Variants in LARP1B observed in about 807,000 individuals in gnomAD.
LARP1B encodes La ribonucleoprotein 1B.
In LARP1B, 76 loss-of-function variants were observed where a neutral mutation model predicts 114.2. The observed-to-expected ratio is 0.67, with a 90% CI of 0.55 to 0.81. The LOEUF is 0.81. Ranked by LOEUF, LARP1B falls within the 30% of genes least tolerant of loss-of-function variation. The pLI, the probability that LARP1B is intolerant of heterozygous loss-of-function variation, is 0.00. For synonymous variants in LARP1B, 345 were observed against 348.0 expected (o/e 0.99, Z 0.10); for missense variants, 1,014 against 1,075.8 (o/e 0.94, Z 0.80).
chr4:128,203,504 G>A (rs1561566779), intron 17 of LARP1B, among the ~76,000 whole-genome samples: 1 of 151,976 alleles, frequency 6.6e-6, no homozygotes, highest in Non-Finnish European at 1.5e-5. Flanking sequence ...CTCGTAAGTA[G>A]CTGGCATCAC....
At chr4:128,099,809 TA>T (rs1561206792) in intron 8 of LARP1B, among the ~76,000 whole-genome samples, 1 of 152,176 alleles carries the variant, frequency 6.6e-6, no homozygotes, top group African/African-American at 2.4e-5. Flanking sequence ...CCTATCTTTA[TA>T]AGAAAATGCC....
intron 7 of LARP1B, among the ~76,000 whole-genome samples, chr4:128,097,212 A>C (rs1778385224): frequency 6.6e-6 from 1 of 151,856 alleles, no homozygotes; most frequent in African/African-American, 2.4e-5. Context: ...TTAATGTCTT[A>C]TGGTCTGTCT....
chr4:128,178,422 A>G lies in LARP1B; in HGVS notation c.1685-9A>G. 6.3e-7 allele frequency: 1 copy of G among 1,588,316 alleles called. No homozygotes were observed. The highest frequency in any genetic ancestry group is 8.6e-7 in the Non-Finnish European group (1 of 1,165,018). On this transcript the variant is annotated splice_polypyrimidine_tract_variant and intron_variant, in intron 13 of 19. Transcript: ENST00000326639. ...ATCTAAATAATTTTAAGAGTTTTTT[A>G]TTTTGCAGATTTGACTGATGAATTA... is the stretch of plus-strand genomic sequence containing the variant.
chr4:128,088,199 T>TG (rs1774426941), intron 5 of LARP1B, among the ~76,000 whole-genome samples: 2 of 78,570 alleles, frequency 2.5e-5, no homozygotes, highest in Admixed American at 1.5e-4. Flanking sequence ...CTAAAATCAA[T>TG]AATAATGATG....
intron 8 of LARP1B, among the ~76,000 whole-genome samples, chr4:128,100,678 T>G (rs1780001632): frequency 6.6e-6 from 1 of 152,232 alleles, no homozygotes; most frequent in Non-Finnish European, 1.5e-5. Flanking sequence ...GTTCAGATTT[T>G]TTATTCATTA....
chr4:128,201,585 C>G (rs1362489923), intron 17 of LARP1B, among the ~76,000 whole-genome samples: 2 of 152,260 alleles, frequency 1.3e-5, no homozygotes, highest in African/African-American at 2.4e-5. Flanking sequence ...ACCAAGCTCT[C>G]TAGCCTCTGG....
chr4:128,117,517 A>G (rs1044820147), intron 10 of LARP1B, among the ~76,000 whole-genome samples: 1 of 151,306 alleles, frequency 6.6e-6, no homozygotes, highest in Non-Finnish European at 1.5e-5. Flanking sequence ...TCCAGAGTAG[A>G]TGGGATTAAA....
At chr4:128,123,724 C>T in intron 11 of LARP1B, 1 of 974,082 alleles carries the variant, frequency 1.0e-6, no homozygotes, top group African/African-American at 1.8e-5. Context: ...GGAACCCAAC[C>T]ATTGTGTATA....
rs1459947961 is a variant in LARP1B at position 128,125,743 on chromosome 4, T to TCAAAAAA, written c.1524+3569_1524+3575dup. Among the ~76,000 whole-genome samples the TCAAAAAA allele has an allele frequency of 6.6e-5, 10 of 152,024 alleles. No homozygotes were observed. In the South Asian group the frequency reaches 1.2e-3, roughly 19 times the overall value. ...CCTTGTGACAGAACAAGACTCTAAC[T>TCAAAAAA]CAAAAAACAAAAAACAAAAACAAAA... On this transcript the variant is annotated intron_variant, in intron 11 of 19. Transcript: ENST00000326639.
chr4:128,082,795 C>A (rs1165756324), intron 5 of LARP1B, among the ~76,000 whole-genome samples: 1 of 125,616 alleles, frequency 8.0e-6, no homozygotes, highest in South Asian at 2.9e-4. Context: ...GAAAATATAT[C>A]ATTTTCTTCT....
At chr4:128,168,092 A>C (rs1741914512) in intron 12 of LARP1B, among the ~76,000 whole-genome samples, 1 of 152,076 alleles carries the variant, frequency 6.6e-6, no homozygotes, top group Non-Finnish European at 1.5e-5. Flanking sequence ...TCAAGTTGCT[A>C]TGTGAATATA....
At chr4:128,198,921 A>G (rs1220259474) in intron 15 of LARP1B, among the ~76,000 whole-genome samples, 1 of 152,204 alleles carries the variant, frequency 6.6e-6, no homozygotes, top group Non-Finnish European at 1.5e-5. Context: ...GATTTAGGAG[A>G]TAGATCAAAA....
intron 5 of LARP1B, among the ~76,000 whole-genome samples, chr4:128,083,676 G>A (rs1314522802): frequency 8.1e-6 from 1 of 123,130 alleles, no homozygotes; most frequent in Non-Finnish European, 1.7e-5. Context: ...GGGGGGCTGA[G>A]CCCCCCCACC....
chr4:128,097,328 A>G (rs1364674323), intron 7 of LARP1B, among the ~76,000 whole-genome samples: 1 of 150,380 alleles, frequency 6.6e-6, no homozygotes, highest in East Asian at 2.0e-4. Flanking sequence ...TTTTTTTGAG[A>G]TGGAGTTTTG....
intron 15 of LARP1B, among the ~76,000 whole-genome samples, chr4:128,190,628 T>A (rs1478276214): frequency 6.6e-6 from 1 of 152,152 alleles, no homozygotes; most frequent in Non-Finnish European, 1.5e-5. Context: ...GGTTTCTCCT[T>A]CACACATACT....
chr4:128,073,523 C>CAA lies in LARP1B; in HGVS notation c.-77-926_-77-925dup, dbSNP rs200125031. Among the ~76,000 whole-genome samples, 145 of 110,228 alleles carry CAA rather than the reference C, an allele frequency of 1.3e-3. 3 individuals are homozygous for CAA. The East Asian group carries it at 0.038, about 29-fold the overall frequency. 72.3% of individuals were successfully genotyped at this position (110,228 alleles called of 152,430 possible). On this transcript the variant is annotated intron_variant, in intron 1 of 19. Transcript: ENST00000326639. ...TGAGAGAAATAAAGAGACTCTGTCT[C>CAA]AAAAAAAAAAAAGTTGTATTTGTAA...
At chr4:128,108,361 T>C (rs2149810270) in intron 9 of LARP1B, 1 of 990,790 alleles carries the variant, frequency 1.0e-6, no homozygotes, top group Non-Finnish European at 1.2e-6. Flanking sequence ...TAGTGTACAT[T>C]GTAAAACTCA....
chr4:128,162,208 C>A lies in LARP1B; in HGVS notation c.1539C>A (p.Asn513Lys). ...TTCTACTTCAGCAAGAAGTTGAGAA[C>A]TTTAAGAAGCTAAATCTCATTAGTA... ...KHTAIKQEVE[N>K]FKKLNLISKE... The change falls in exon 12 of 20, where the codon AAC becomes AAA. Residue 513 changes from asparagine (N) to lysine (K), a missense_variant. Transcript: ENST00000326639. 6.2e-7 allele frequency: 1 copy of A among 1,612,094 alleles called. No homozygotes were observed. The highest frequency in any genetic ancestry group is 8.5e-7 in the Non-Finnish European group (1 of 1,178,802).
chr4:128,170,765 T>A (rs934109990), intron 12 of LARP1B, among the ~76,000 whole-genome samples: 10 of 152,108 alleles, frequency 6.6e-5, no homozygotes, highest in African/African-American at 2.4e-4. Context: ...TCATGTTTTT[T>A]ATTCAGTCTG....
Sources: gnomAD v4.1 joint callset for allele counts (sites outside exome capture counted in the v4.1 genomes callset) on GRCh38, gnomAD v4.1.1 for gene constraint, MANE v1.5 for transcripts, NCBI Gene and HGNC (gene_info 2026-07-23, HGNC 2026-07-21) for gene names.